UGT1A8: variants seen among roughly 807,000 people sequenced by gnomAD.
The protein encoded by UGT1A8 is UDP glucuronosyltransferase family 1 member A8, also known as UDP-glucuronosyltransferase 1A8.
In UGT1A8, 39 loss-of-function variants were observed where a neutral mutation model predicts 45.3. The observed-to-expected ratio is 0.86, with a 90% CI of 0.67 to 1.12. UGT1A8 has a LOEUF of 1.12. UGT1A8 is among the 50% of genes most tolerant of loss of function. The pLI, the probability that UGT1A8 is intolerant of heterozygous loss-of-function variation, is 0.00. For synonymous variants in UGT1A8, 275 were observed against 249.2 expected (o/e 1.10, Z -0.97); for missense variants, 719 against 664.9 (o/e 1.08, Z -0.90).
At chr2:233,656,340 GTCT>G (rs2073852906) in intron 1 of UGT1A8, among the ~76,000 whole-genome samples, 1 of 152,186 alleles carries the variant, frequency 6.6e-6, no homozygotes. Flanking sequence ...CCAGTCACTG[GTCT>G]TCTTACCAGG....
intron 1 of UGT1A8, among the ~76,000 whole-genome samples, chr2:233,696,285 A>G (rs554364174): frequency 5.9e-5 from 9 of 152,206 alleles, no homozygotes; most frequent in African/African-American, 2.2e-4. Context: ...AAAACGTAGG[A>G]CTGTAATATC....
At position 233,769,481 on chromosome 2, in the gene UGT1A8, G is replaced by T. The variant is rs35791110; in HGVS notation, c.1295+1042G>T. 6.2e-7 allele frequency: 1 copy of T among 1,612,192 alleles called. No homozygotes were observed. The highest frequency in any genetic ancestry group is 1.3e-5 in the African/African-American group (1 of 75,008). ...TTCATATGCGTGTGTGTGTGTGTGC[G>T]TGTGTTTATGAGAGTGTCCATTGCT... is the stretch of plus-strand genomic sequence containing the variant. On this transcript the variant is annotated intron_variant, in intron 4 of 4. Transcript: ENST00000373450. The surrounding 1 kb of genome is among the most constrained non-coding windows in gnomAD (Gnocchi z 4.4).
At chr2:233,673,888 T>C (rs894108920) in intron 1 of UGT1A8, among the ~76,000 whole-genome samples, 2 of 152,234 alleles carry the variant, frequency 1.3e-5, no homozygotes, top group African/African-American at 4.8e-5. Context: ...CTGATATTTA[T>C]ACCACTTATT....
chr2:233,727,541 C>A (rs1316411121), intron 1 of UGT1A8, among the ~76,000 whole-genome samples: 2 of 152,166 alleles, frequency 1.3e-5, no homozygotes, highest in Non-Finnish European at 2.9e-5. Context: ...GCGTGTTCCA[C>A]CCGTCACCTG....
rs1214453936 is a variant in UGT1A8 at position 233,618,560 on chromosome 2, A to G, written c.853A>G (p.Met285Val). 4 of 1,612,482 alleles carry G rather than the reference A, an allele frequency of 2.5e-6. No homozygotes were observed. In the African/African-American group the frequency reaches 4.0e-5, roughly 16 times the overall value. The change falls in exon 1 of 5, where the codon ATG (methionine) becomes GTG (valine). Residue 285 changes from methionine to valine, a missense_variant and splice_region_variant. By Grantham distance (21) the Met-to-Val change is conservative. Coordinates refer to ENST00000373450, the MANE Select transcript of UGT1A8 (RefSeq NM_019076.5). The part of the protein sequence containing the change: ...INCHQGKPLP[M>V]EFEAYINASG... ...CTGCCATCAGGGAAAGCCATTGCCT[A>G]TGGTAAGTCACCTCTCCTTTAGCAC...
At chr2:233,705,564 C>A (rs529349858) in intron 1 of UGT1A8, among the ~76,000 whole-genome samples, 233 of 152,138 alleles carry the variant, frequency 1.5e-3, no homozygotes, top group Non-Finnish European at 2.7e-3. Context: ...TTGCTTGTGG[C>A]AAGGGATAGA....
intron 1 of UGT1A8, among the ~76,000 whole-genome samples, chr2:233,715,022 G>C (rs1438116974): frequency 6.6e-6 from 1 of 152,060 alleles, no homozygotes; most frequent in Non-Finnish European, 1.5e-5. Flanking sequence ...AACTACAGGC[G>C]CATGGCACCA....
At chr2:233,747,772 G>T in intron 1 of UGT1A8, 1 of 1,613,482 alleles carries the variant, frequency 6.2e-7, no homozygotes, top group Non-Finnish European at 8.5e-7. Flanking sequence ...GGCACACAGT[G>T]TCCAAATCCT....
At chr2:233,639,914 A>G (rs1559320243) in intron 1 of UGT1A8, among the ~76,000 whole-genome samples, 2 of 152,208 alleles carry the variant, frequency 1.3e-5, no homozygotes, top group South Asian at 2.1e-4. Flanking sequence ...TTAATGAGAA[A>G]AAGAGGAAGT....
chr2:233,630,410 T>C (rs1176773639), intron 1 of UGT1A8, among the ~76,000 whole-genome samples: 1 of 152,170 alleles, frequency 6.6e-6, no homozygotes, highest in East Asian at 1.9e-4. Flanking sequence ...AGCTCATCCA[T>C]GAAGGTATCA....
At chr2:233,678,328 A>T (rs7588138) in intron 1 of UGT1A8, among the ~76,000 whole-genome samples, 92,506 of 151,144 alleles carry the variant, frequency 0.61, 28,530 homozygotes, top group South Asian at 0.65. Context: ...TATGTATAAG[A>T]GGAAGTCATT....
chr2:233,649,093 G>T (rs1294190283), intron 1 of UGT1A8: 2 of 843,444 alleles, frequency 2.4e-6, no homozygotes, highest in Non-Finnish European at 3.3e-6. Flanking sequence ...GATTCCTTAC[G>T]GAACTGGGAT....
At chr2:233,746,785 G>A (rs999624443) in intron 1 of UGT1A8, among the ~76,000 whole-genome samples, 5 of 151,822 alleles carry the variant, frequency 3.3e-5, no homozygotes, top group Non-Finnish European at 2.9e-5. Flanking sequence ...GTTTTCTGTT[G>A]TAATTCATGA....
At chr2:233,725,070 G>A (rs1181179601) in intron 1 of UGT1A8, among the ~76,000 whole-genome samples, 7 of 145,216 alleles carry the variant, frequency 4.8e-5, no homozygotes, top group East Asian at 2.1e-4. Context: ...GCCTGCAATC[G>A]CAGGCACTCG....
intron 1 of UGT1A8, among the ~76,000 whole-genome samples, chr2:233,660,828 G>T (rs1054650251): frequency 6.6e-6 from 1 of 152,018 alleles, no homozygotes; most frequent in East Asian, 1.9e-4. Flanking sequence ...TTCTCTTCAT[G>T]GGGTCTGGGA....
At chr2:233,741,469 A>T (rs1331222239) in intron 1 of UGT1A8, 1 of 151,940 alleles carries the variant, frequency 6.6e-6, no homozygotes, top group African/African-American at 2.4e-5. Context: ...CACACATGTA[A>T]GTTCCCTCGT....
chr2:233,637,109 G>T, intron 1 of UGT1A8: 4 of 1,613,904 alleles, frequency 2.5e-6, no homozygotes, highest in Non-Finnish European at 3.4e-6. Flanking sequence ...GATCTCTTAG[G>T]GTTCTCAGAT....
At chr2:233,659,962 C>T (rs2073933116) in intron 1 of UGT1A8, among the ~76,000 whole-genome samples, 2 of 152,198 alleles carry the variant, frequency 1.3e-5, no homozygotes, top group South Asian at 4.1e-4. Context: ...GTTAATTCCT[C>T]AGGTGTGGTG....
At chr2:233,648,144 A>G in intron 1 of UGT1A8, 2 of 1,279,330 alleles carry the variant, frequency 1.6e-6, no homozygotes, top group South Asian at 1.7e-5. Flanking sequence ...CAGAAGTACG[A>G]CGCTTATTTT....
Sources: allele counts gnomAD v4.1 joint callset (sites outside exome capture counted in the v4.1 genomes callset), GRCh38; gene constraint gnomAD v4.1.1; non-coding constraint Gnocchi (gnomAD v3.1); transcripts MANE v1.5; gene names NCBI Gene and HGNC (gene_info 2026-07-23, HGNC 2026-07-21).